The following PHACTR4 variants were observed in gnomAD, a reference collection of about 807,000 sequenced individuals.
The protein encoded by PHACTR4 is phosphatase and actin regulator 4, also known as protein phosphatase 1, regulatory subunit 124.
A neutral mutation model predicts 72.7 loss-of-function variants in PHACTR4; 51 were observed. That is an observed-to-expected ratio of 0.70 (90% CI 0.56 to 0.89). The LOEUF (loss-of-function observed/expected upper bound fraction) is 0.89, where lower values mean the gene tolerates loss of function less well. Ranked by LOEUF, PHACTR4 falls within the 40% of genes least tolerant of loss-of-function variation. The pLI, the probability that PHACTR4 is intolerant of heterozygous loss-of-function variation, is 0.00. For synonymous variants in PHACTR4, 255 were observed against 302.5 expected (o/e 0.84, Z 1.63); for missense variants, 731 against 861.8 (o/e 0.85, Z 1.90).
chr1:28,419,679 T>C (rs1655385361), intron 2 of PHACTR4, among the ~76,000 whole-genome samples: 1 of 152,112 alleles, frequency 6.6e-6, no homozygotes, highest in African/African-American at 2.4e-5. Context: ...TGCTTGCTTA[T>C]CTTTGTAGAT....
chr1:28,391,415 AAATAATAAT>A (rs901748358), intron 1 of PHACTR4, among the ~76,000 whole-genome samples: 1 of 150,542 alleles, frequency 6.6e-6, no homozygotes, highest in Non-Finnish European at 1.5e-5. Flanking sequence ...TAAATAAATA[AAATAATAAT>A]AATAATAATA....
chr1:28,484,694 G>A (rs547131533), intron 9 of PHACTR4, among the ~76,000 whole-genome samples: 86 of 151,270 alleles, frequency 5.7e-4, no homozygotes, highest in Admixed American at 1.1e-3. Context: ...TGGGTCGGGC[G>A]CAGTGGCTCA....
rs746910650 is a variant in PHACTR4, at chr1:28,465,763, C to T, written c.350C>T (p.Ser117Phe). Residue 117 changes from serine (S) to phenylalanine (F), a missense_variant, in exon 5 of 14, where the codon TCT becomes TTT. Transcript: ENST00000373839. ...HTTPIGNARS[S>F]SPVQVEEEPV... Reference sequence around the variant, plus strand: ...ACCCCCATAGGGAATGCCAGATCATCTAGTCCAGTCCAAGTAGAGGAAGAG... The same window carrying T: ...ACCCCCATAGGGAATGCCAGATCATTTAGTCCAGTCCAAGTAGAGGAAGAG... 1 of 1,614,022 alleles carries T rather than the reference C, an allele frequency of 6.2e-7. No individual in the cohort carries two copies. Among genetic ancestry groups the T allele is most frequent in the Non-Finnish European group, 8.5e-7 (1 of 1,179,972 alleles).
chr1:28,395,842 T>A (rs1276464796), intron 1 of PHACTR4, among the ~76,000 whole-genome samples: 2 of 108,146 alleles, frequency 1.8e-5, no homozygotes, highest in Non-Finnish European at 3.5e-5. Flanking sequence ...TTTTTTTTTT[T>A]AGTAGAGACG....
intron 2 of PHACTR4, among the ~76,000 whole-genome samples, chr1:28,413,821 AGTG>A (rs1654928510): frequency 6.6e-6 from 1 of 152,160 alleles, no homozygotes; most frequent in Admixed American, 6.5e-5. Flanking sequence ...GATGGTTAAA[AGTG>A]AGGGACTAAA....
chr1:28,396,067 C>G (rs1348171686), intron 1 of PHACTR4, among the ~76,000 whole-genome samples: 1 of 146,198 alleles, frequency 6.8e-6, no homozygotes, highest in Non-Finnish European at 1.5e-5. Context: ...TTGTGATAGG[C>G]AAAAACAAAT....
chr1:28,474,168 C>A lies in PHACTR4; in HGVS notation c.1421+17C>A. The A allele has an allele frequency of 6.3e-7, 1 of 1,578,896 alleles. No homozygotes were observed. Among genetic ancestry groups the A allele is most frequent in the Non-Finnish European group, 8.6e-7 (1 of 1,160,300 alleles). On this transcript the variant is annotated intron_variant, in intron 7 of 13. Transcript: ENST00000373839. Reference sequence around the variant, plus strand: ...GCTAAAAGTGTAAGTGCCTTTAAAGCTTGCCTCTTATTTCTCCTTTACTCT... The same window carrying A: ...GCTAAAAGTGTAAGTGCCTTTAAAGATTGCCTCTTATTTCTCCTTTACTCT...
In PHACTR4 at chr1:28,479,359, G is replaced by A. The variant is rs111278468; in HGVS notation, c.1607-1092G>A. The stretch of plus-strand genomic sequence containing the variant: ...TGCTTGAACCCAGGAGACGGAAGTC[G>A]CAGTGAGCCAAGACTGTGCCACTAC... On this transcript the variant is annotated intron_variant, in intron 8 of 13. Transcript: ENST00000373839. Among the ~76,000 whole-genome samples the A allele has an allele frequency of 5.9e-3, 890 of 150,390 alleles. 8 individuals carry two copies. The highest frequency in any genetic ancestry group is 0.021 in the African/African-American group (837 of 40,600).
At chr1:28,477,589 T>G (rs956476915) in intron 8 of PHACTR4, among the ~76,000 whole-genome samples, 3 of 152,198 alleles carry the variant, frequency 2.0e-5, no homozygotes, top group Admixed American at 6.6e-5. Flanking sequence ...CACTTATCAT[T>G]TGTTTGTATT....
rs1056758704 is a variant in PHACTR4, at chr1:28,496,451, A to T, written c.2094-83A>T. ...AGAGGAAAGGCAGTGTTAATTAGGT[A>T]TAACATTTCATTACTACTGATACAT... On this transcript the variant is annotated intron_variant, in intron 13 of 13. Coordinates refer to ENST00000373839, the MANE Select transcript of PHACTR4 (RefSeq NM_001048183.3). 2.8e-5 allele frequency: 41 copies of T among 1,469,028 alleles called. 1 individual carries two copies. Among genetic ancestry groups the T allele is most frequent in the Middle Eastern group, 3.5e-4 (2 of 5,788 alleles). 91.0% of individuals were successfully genotyped at this position (1,469,028 alleles called of 1,614,324 possible).
intron 6 of PHACTR4, among the ~76,000 whole-genome samples, chr1:28,470,374 CAG>C (rs1323357985): frequency 2.6e-5 from 4 of 151,758 alleles, no homozygotes; most frequent in East Asian, 3.9e-4. Flanking sequence ...GCCTGGGTAA[CAG>C]AGCAACATCC....
intron 2 of PHACTR4, among the ~76,000 whole-genome samples, chr1:28,432,776 T>G (rs1035490040): frequency 4.6e-5 from 7 of 152,228 alleles, no homozygotes; most frequent in African/African-American, 1.7e-4. Context: ...AGGGTCTCAC[T>G]ATCATCCAGG....
intron 1 of PHACTR4, among the ~76,000 whole-genome samples, chr1:28,370,103 C>T (rs1178695345): frequency 6.6e-6 from 1 of 152,018 alleles, no homozygotes; most frequent in South Asian, 2.1e-4. Flanking sequence ...GCCCTTTTGT[C>T]TGGGCTGCGT....
chr1:28,458,108 T>TTGTGTGTGTG (rs539564108), intron 2 of PHACTR4, among the ~76,000 whole-genome samples: 29 of 120,348 alleles, frequency 2.4e-4, no homozygotes, highest in Middle Eastern at 3.9e-3. Context: ...GTGTGTGTGT[T>TTGTGTGTGTG]TGTGTGTGTG....
intron 8 of PHACTR4, among the ~76,000 whole-genome samples, chr1:28,477,076 G>T (rs1178251492): frequency 1.4e-5 from 2 of 144,782 alleles, no homozygotes; most frequent in Non-Finnish European, 3.0e-5. Context: ...GGCCATAAAA[G>T]ATATATATAT....
At chr1:28,402,075 TAA>T (rs143521824) in intron 1 of PHACTR4, among the ~76,000 whole-genome samples, 3,081 of 152,232 alleles carry the variant, frequency 0.02, 101 homozygotes, top group African/African-American at 0.07. Flanking sequence ...GTGGAGGCAA[TAA>T]GACTTGGTAA....
intron 1 of PHACTR4, among the ~76,000 whole-genome samples, chr1:28,374,369 T>G (rs560585283): frequency 2.6e-5 from 4 of 152,368 alleles, no homozygotes; most frequent in African/African-American, 4.8e-5. Context: ...AGTTTCTGCT[T>G]TTAATAAAAA....
chr1:28,445,152 A>G (rs1657359563), intron 2 of PHACTR4, among the ~76,000 whole-genome samples: 2 of 151,232 alleles, frequency 1.3e-5, no homozygotes, highest in South Asian at 4.2e-4. Context: ...ACGGGGTTTC[A>G]CCATCTTGGC....
chr1:28,407,017 T>G (rs1654381339), intron 1 of PHACTR4, among the ~76,000 whole-genome samples: 1 of 152,118 alleles, frequency 6.6e-6, no homozygotes, highest in Non-Finnish European at 1.5e-5. Flanking sequence ...AAAATGAGGA[T>G]TGGAAAGGGA....
Sources: allele counts gnomAD v4.1 joint callset (sites outside exome capture counted in the v4.1 genomes callset), GRCh38; gene constraint gnomAD v4.1.1; transcripts MANE v1.5; gene names NCBI Gene and HGNC (gene_info 2026-07-23, HGNC 2026-07-21).